Variants in AGBL4 observed in about 807,000 individuals in gnomAD.
AGBL4 encodes cytosolic carboxypeptidase 6.
A neutral mutation model predicts 66.4 loss-of-function variants in AGBL4; 58 were observed. The ratio of observed to expected loss-of-function variants is 0.87; its 90% CI spans 0.71 to 1.09. The LOEUF (loss-of-function observed/expected upper bound fraction) is 1.09, where lower values mean the gene tolerates loss of function less well. AGBL4 is among the 50% of genes least tolerant of loss of function. The pLI is 0.00. For synonymous variants in AGBL4, 234 were observed against 222.9 expected, an observed-to-expected ratio of 1.05 and a Z score of -0.44; for missense variants, 579 against 631.0, an observed-to-expected ratio of 0.92 and a Z score of 0.88.
intron 3 of AGBL4, among the ~76,000 whole-genome samples, chr1:49,372,609 TTC>T (rs1005412522): frequency 2.6e-4 from 2 of 7,642 alleles, no homozygotes; most frequent in African/African-American, 1.2e-3. Context: ...CTTTTTCTTT[TTC>T]TTTCTTTCTT....
rs543950625 is a variant in AGBL4 at position 49,931,278 on chromosome 1, T to C, written c.35-79760A>G. 3.3e-5 allele frequency among the ~76,000 whole-genome samples: 5 copies of C among 152,298 alleles called. No homozygotes were observed. In the South Asian group the frequency reaches 8.3e-4, roughly 25 times the overall value. On this transcript the variant is annotated intron_variant, in intron 1 of 13. Coordinates refer to ENST00000371839, the MANE Select transcript of AGBL4 (RefSeq NM_032785.4). ...CTTAAATAAATGAAGATATACTATA[T>C]TCATGAGTTGAAAGAATATTGTTAA...
intron 5 of AGBL4, among the ~76,000 whole-genome samples, chr1:48,907,335 T>C (rs1396320435): frequency 6.6e-6 from 1 of 152,192 alleles, no homozygotes; most frequent in African/African-American, 2.4e-5. Context: ...ACTAACAAGA[T>C]AGTAATAAAG....
At chr1:48,722,848 G>A (rs1012939521) in intron 6 of AGBL4, among the ~76,000 whole-genome samples, 6 of 152,170 alleles carry the variant, frequency 3.9e-5, no homozygotes, top group Non-Finnish European at 8.8e-5. Flanking sequence ...GGGCAGATCC[G>A]TAAAAGAGCA....
intron 3 of AGBL4, among the ~76,000 whole-genome samples, chr1:49,598,564 G>A (rs1007563732): frequency 1.3e-5 from 2 of 152,100 alleles, no homozygotes; most frequent in African/African-American, 4.8e-5. Flanking sequence ...CTCTCTGATT[G>A]TTCCTCTGGA....
At chr1:48,924,238 T>C (rs964183841) in intron 5 of AGBL4, among the ~76,000 whole-genome samples, 2 of 151,748 alleles carry the variant, frequency 1.3e-5, no homozygotes, top group Non-Finnish European at 2.9e-5. Context: ...ACACAATATA[T>C]CCATGTAGCA....
At chr1:49,241,111 G>A (rs1283044599) in intron 4 of AGBL4, among the ~76,000 whole-genome samples, 3 of 151,984 alleles carry the variant, frequency 2.0e-5, no homozygotes, top group Non-Finnish European at 2.9e-5. Flanking sequence ...ATCATTAGCT[G>A]TAGCCTAAGG....
intron 3 of AGBL4, among the ~76,000 whole-genome samples, chr1:49,637,953 C>G (rs1432186501): frequency 6.6e-6 from 1 of 152,030 alleles, no homozygotes; most frequent in Non-Finnish European, 1.5e-5. Flanking sequence ...TATTTCTAAA[C>G]TAATAATCAA....
intron 9 of AGBL4, among the ~76,000 whole-genome samples, chr1:48,613,378 A>G (rs1040578327): frequency 6.6e-6 from 1 of 152,194 alleles, no homozygotes; most frequent in Non-Finnish European, 1.5e-5. Flanking sequence ...GGGTCCAACG[A>G]GGGCAAATGA....
At chr1:49,321,346 A>G (rs1645129810) in intron 3 of AGBL4, among the ~76,000 whole-genome samples, 1 of 152,238 alleles carries the variant, frequency 6.6e-6, no homozygotes, top group Non-Finnish European at 1.5e-5. Context: ...GTCAAACCTC[A>G]TAATCAGACA....
chr1:49,630,550 T>G (rs1215770943), intron 3 of AGBL4, among the ~76,000 whole-genome samples: 3 of 152,202 alleles, frequency 2.0e-5, no homozygotes, highest in Non-Finnish European at 4.4e-5. Context: ...TGCCTAGGTG[T>G]GAAAATCCTG....
chr1:48,846,215 T>A (rs149977397), intron 6 of AGBL4, among the ~76,000 whole-genome samples: 1 of 152,100 alleles, frequency 6.6e-6, no homozygotes, highest in Admixed American at 6.6e-5. Context: ...CCATTTGTAC[T>A]TTAAAAGAAA....
chr1:49,333,173 G>A (rs1258107765), intron 3 of AGBL4, among the ~76,000 whole-genome samples: 1 of 151,626 alleles, frequency 6.6e-6, no homozygotes, highest in Non-Finnish European at 1.5e-5. Flanking sequence ...AGAACTTAAA[G>A]TATAATAATA....
At chr1:49,075,282 G>T (rs535342419) in intron 4 of AGBL4, among the ~76,000 whole-genome samples, 1 of 152,158 alleles carries the variant, frequency 6.6e-6, no homozygotes, top group African/African-American at 2.4e-5. Context: ...AACAAAGTTT[G>T]AAGTAAGATT....
chr1:49,552,315 G>A (rs192794277), intron 3 of AGBL4, among the ~76,000 whole-genome samples: 37 of 152,238 alleles, frequency 2.4e-4, no homozygotes, highest in African/African-American at 3.4e-4. Context: ...GGTTCTGGCC[G>A]GGAGGATTCT....
intron 3 of AGBL4, among the ~76,000 whole-genome samples, chr1:49,259,954 T>C (rs1055336601): frequency 2.0e-5 from 3 of 151,840 alleles, no homozygotes; most frequent in Admixed American, 1.3e-4. Context: ...TATAACAAAC[T>C]GTCTCTCAGA....
intron 6 of AGBL4, among the ~76,000 whole-genome samples, chr1:48,784,668 A>G (rs1051338750): frequency 2.0e-5 from 3 of 152,200 alleles, no homozygotes; most frequent in Non-Finnish European, 4.4e-5. Context: ...AGCCTTGTGG[A>G]TGTGCACATT....
chr1:49,528,011 A>T (rs1472582116), intron 3 of AGBL4, among the ~76,000 whole-genome samples: 1 of 152,048 alleles, frequency 6.6e-6, no homozygotes, highest in Non-Finnish European at 1.5e-5. Flanking sequence ...TTTTTTCAAC[A>T]GGACATCAAA....
intron 5 of AGBL4, among the ~76,000 whole-genome samples, chr1:48,960,014 G>A (rs1450170717): frequency 6.6e-6 from 1 of 152,120 alleles, no homozygotes; most frequent in Non-Finnish European, 1.5e-5. Flanking sequence ...TGGCTTTCAG[G>A]TGTAAAATAA....
chr1:49,598,883 G>C (rs1644901531), intron 3 of AGBL4, among the ~76,000 whole-genome samples: 1 of 152,288 alleles, frequency 6.6e-6, no homozygotes, highest in South Asian at 2.1e-4. Context: ...CATTGTTTCT[G>C]TTTATGTGAT....
Sources: allele counts gnomAD v4.1 joint callset (sites outside exome capture counted in the v4.1 genomes callset), GRCh38; gene constraint gnomAD v4.1.1; transcripts MANE v1.5; gene names NCBI Gene and HGNC (gene_info 2026-07-23, HGNC 2026-07-21).